Variants in CDH13 observed in about 807,000 individuals in gnomAD.
CDH13 encodes the protein cadherin-13.
A neutral mutation model predicts 63.8 loss-of-function variants in CDH13; 24 were observed. That is an observed-to-expected ratio of 0.38 (90% CI 0.27 to 0.53). The LOEUF (loss-of-function observed/expected upper bound fraction) is 0.53. Among genes scored for constraint, CDH13 ranks in the 20% least tolerant of loss-of-function variants. The pLI is 0.85. For synonymous variants in CDH13, 503 were observed against 355.3 expected (o/e 1.42, Z -4.67); for missense variants, 1,049 against 903.1 (o/e 1.16, Z -2.07).
At chr16:82,870,498 T>C (rs1219975252) in intron 2 of CDH13, among the ~76,000 whole-genome samples, 2 of 152,120 alleles carry the variant, frequency 1.3e-5, no homozygotes, top group Non-Finnish European at 2.9e-5. Context: ...GGAAGGGTCC[T>C]GGGGAGGGAG....
At chr16:83,439,308 G>A (rs1355090666) in intron 6 of CDH13, among the ~76,000 whole-genome samples, 1 of 152,160 alleles carries the variant, frequency 6.6e-6, no homozygotes, top group Non-Finnish European at 1.5e-5. Context: ...TTGCCCTTCA[G>A]CCAAAGAGCA....
chr16:83,012,309 G>C (rs532537963), intron 2 of CDH13, among the ~76,000 whole-genome samples: 2 of 130,092 alleles, frequency 1.5e-5, no homozygotes, highest in South Asian at 4.9e-4. Context: ...GGGTTGTTTG[G>C]TTTCTTTCCT....
At chr16:82,659,143 A>G (rs1290145809) in intron 1 of CDH13, among the ~76,000 whole-genome samples, 1 of 152,168 alleles carries the variant, frequency 6.6e-6, no homozygotes, top group African/African-American at 2.4e-5. Context: ...GGTTCCCAAT[A>G]GTTGATTTGA....
intron 7 of CDH13, among the ~76,000 whole-genome samples, chr16:83,561,426 C>CAAAAAA (rs5818456): frequency 8.8e-6 from 1 of 114,146 alleles, no homozygotes. Flanking sequence ...AACACCATCT[C>CAAAAAA]AAAAAAAAAA....
At chr16:82,868,790 T>C (rs571182795) in intron 2 of CDH13, among the ~76,000 whole-genome samples, 1 of 152,352 alleles carries the variant, frequency 6.6e-6, no homozygotes, top group South Asian at 2.1e-4. Flanking sequence ...ATTTCACCTT[T>C]AGAAATTCCC....
intron 7 of CDH13, among the ~76,000 whole-genome samples, chr16:83,501,955 A>G (rs1483192768): frequency 6.6e-6 from 1 of 152,206 alleles, no homozygotes; most frequent in African/African-American, 2.4e-5. Flanking sequence ...GCTTGGGCTT[A>G]GGAATTCACA....
intron 1 of CDH13, among the ~76,000 whole-genome samples, chr16:82,689,876 G>A (rs983815243): frequency 6.7e-6 from 1 of 150,338 alleles, no homozygotes; most frequent in African/African-American, 2.4e-5. Flanking sequence ...TGGGGGCAGT[G>A]GCTCACGCCT....
intron 6 of CDH13, among the ~76,000 whole-genome samples, chr16:83,376,773 A>T (rs1015131830): frequency 2.6e-5 from 4 of 152,122 alleles, no homozygotes; most frequent in Non-Finnish European, 5.9e-5. Context: ...CCTCCCCTTG[A>T]TTCTAGGTGA....
chr16:83,198,160 G>A (rs1216859420), intron 4 of CDH13, among the ~76,000 whole-genome samples: 1 of 151,964 alleles, frequency 6.6e-6, no homozygotes, highest in East Asian at 1.9e-4. Context: ...GTGAGCATGT[G>A]TTAGTTTTGT....
intron 9 of CDH13, among the ~76,000 whole-genome samples, chr16:83,673,374 A>G (rs1914683716): frequency 1.3e-5 from 2 of 152,158 alleles, no homozygotes; most frequent in South Asian, 2.1e-4. Context: ...ATCCCCGCTC[A>G]GGAGTACTAC....
intron 5 of CDH13, among the ~76,000 whole-genome samples, chr16:83,342,720 G>T (rs890387378): frequency 6.6e-6 from 1 of 151,910 alleles, no homozygotes; most frequent in Non-Finnish European, 1.5e-5. Context: ...TTTGGCAAAT[G>T]TGAATTCTGA....
chr16:83,444,147 T>G (rs1222675223), intron 6 of CDH13, among the ~76,000 whole-genome samples: 2 of 143,714 alleles, frequency 1.4e-5, no homozygotes, highest in Non-Finnish European at 3.2e-5. Context: ...TGGCTGCTGA[T>G]GTGACAAAGA....
intron 4 of CDH13, among the ~76,000 whole-genome samples, chr16:83,134,900 A>G (rs1300665019): frequency 3.9e-5 from 6 of 152,166 alleles, no homozygotes; most frequent in Non-Finnish European, 8.8e-5. Flanking sequence ...AGGAAGCAAT[A>G]TTTTTAACCC....
chr16:83,431,442 T>C (rs1326437603), intron 6 of CDH13, among the ~76,000 whole-genome samples: 1 of 151,982 alleles, frequency 6.6e-6, no homozygotes, highest in Non-Finnish European at 1.5e-5. Flanking sequence ...GAAGTCATTG[T>C]GCAAATCATG....
chr16:83,235,585 T>TTG (rs1555517048), intron 5 of CDH13, among the ~76,000 whole-genome samples: 6 of 146,996 alleles, frequency 4.1e-5, no homozygotes, highest in East Asian at 3.9e-4. Flanking sequence ...TGGTGGTGTT[T>TTG]TTTTTTTTTT....
chr16:83,567,467 C>T (rs1567770352), intron 7 of CDH13, among the ~76,000 whole-genome samples: 1 of 152,196 alleles, frequency 6.6e-6, no homozygotes, highest in Non-Finnish European at 1.5e-5. Flanking sequence ...TTGCATAAGA[C>T]TTCGCTAGTA....
At chr16:83,784,639 A>C (rs1054602483) in intron 13 of CDH13, among the ~76,000 whole-genome samples, 21 of 151,656 alleles carry the variant, frequency 1.4e-4, no homozygotes, top group African/African-American at 5.1e-4. Context: ...CTCAAAAAAA[A>C]AAAAAAAAAG....
chr16:83,058,398 G>T (rs528449266), intron 3 of CDH13, among the ~76,000 whole-genome samples: 1 of 152,158 alleles, frequency 6.6e-6, no homozygotes, highest in African/African-American at 2.4e-5. Context: ...CTTCTCTGGC[G>T]GTTTGGTGTT....
intron 2 of CDH13, among the ~76,000 whole-genome samples, chr16:82,912,583 G>A (rs2041864901): frequency 6.6e-6 from 1 of 152,170 alleles, no homozygotes; most frequent in African/African-American, 2.4e-5. Context: ...CTCTTAGTTG[G>A]TTCTGCTCCA....
Sources: allele counts gnomAD v4.1 joint callset (sites outside exome capture counted in the v4.1 genomes callset), GRCh38; gene constraint gnomAD v4.1.1; transcripts MANE v1.5; gene names NCBI Gene and HGNC (gene_info 2026-07-23, HGNC 2026-07-21).